GATAD2B: variants seen among roughly 807,000 people sequenced by gnomAD.
GATAD2B encodes the protein transcriptional repressor p66-beta.
In GATAD2B, 8 loss-of-function variants were observed where a neutral mutation model predicts 64.3. The ratio of observed to expected loss-of-function variants is 0.12; its 90% CI spans 0.07 to 0.22. GATAD2B has a LOEUF of 0.22. Ranked by LOEUF, GATAD2B falls within the 10% of genes least tolerant of loss-of-function variation. The probability of loss-of-function intolerance (pLI) is 1.00; values close to 1 mark genes in which losing one functional copy is unlikely to be tolerated. For synonymous variants in GATAD2B, 281 were observed against 271.3 expected, an observed-to-expected ratio of 1.04 and a Z score of -0.35; for missense variants, 453 against 752.0, an observed-to-expected ratio of 0.60 and a Z score of 4.65.
intron 1 of GATAD2B, among the ~76,000 whole-genome samples, chr1:153,899,565 T>C (rs1298458556): frequency 6.7e-6 from 1 of 149,332 alleles, no homozygotes; most frequent in African/African-American, 2.5e-5. Context: ...CGAAACTCCA[T>C]CTTAAAAAGA....
intron 1 of GATAD2B, among the ~76,000 whole-genome samples, chr1:153,867,672 C>T (rs1035456084): frequency 1.3e-5 from 2 of 151,618 alleles, no homozygotes; most frequent in African/African-American, 4.9e-5. Context: ...CCACCATGGC[C>T]AACATGGTGA....
rs754410363 is a variant in GATAD2B, at chr1:153,819,633, G to A, written c.438C>T (p.Leu146=). 11 of 1,608,168 alleles carry A rather than the reference G, an allele frequency of 6.8e-6. No individual in the cohort carries two copies. ...PRSSSRMEER[L]KAANLEMFKG... ...TAAACATCTCTAAGTTGGCTGCTTTGAGTCTTTCTTCCATTCTGGAACTGG... is the reference window on the plus strand; with the variant it reads ...TAAACATCTCTAAGTTGGCTGCTTTAAGTCTTTCTTCCATTCTGGAACTGG... Residue 146 remains leucine (L), a synonymous_variant, in exon 3 of 11, where the codon CTC becomes CTT. Coordinates refer to ENST00000368655, the MANE Select transcript of GATAD2B (RefSeq NM_020699.4).
chr1:153,818,603 C>T (rs900243215), intron 4 of GATAD2B, among the ~76,000 whole-genome samples, 188 bp downstream of exon 4: 7 of 151,326 alleles, frequency 4.6e-5, no homozygotes, highest in African/African-American at 7.3e-5. Context: ...CGTGAGCCAC[C>T]GCACCTGGCT....
In GATAD2B at chr1:153,828,355, A is replaced by T; in HGVS notation, c.-1-7T>A. 1 of 1,599,340 alleles carries T rather than the reference A, an allele frequency of 6.3e-7. No individual in the cohort carries two copies. The highest frequency in any genetic ancestry group is 8.5e-7 in the Non-Finnish European group (1 of 1,175,162). ...TTCTGTCATTCTATCCATCCTATGGAAAGAAAAATACAAGTAAGATCAGAA... is the reference window on the plus strand; with the variant it reads ...TTCTGTCATTCTATCCATCCTATGGTAAGAAAAATACAAGTAAGATCAGAA... On this transcript the variant is annotated splice_region_variant and splice_polypyrimidine_tract_variant and intron_variant, in intron 1 of 10. Transcript: ENST00000368655.
intron 1 of GATAD2B, among the ~76,000 whole-genome samples, chr1:153,842,098 AGAG>A (rs1349529238): frequency 1.3e-5 from 2 of 152,262 alleles, no homozygotes; most frequent in East Asian, 3.9e-4. Flanking sequence ...CTCAGCCACT[AGAG>A]GAGAAGCGAC....
At chr1:153,897,039 T>TTC (rs1235978911) in intron 1 of GATAD2B, among the ~76,000 whole-genome samples, 2 of 151,848 alleles carry the variant, frequency 1.3e-5, no homozygotes, top group Non-Finnish European at 2.9e-5. Flanking sequence ...AACACTTTTT[T>TTC]TTTTTTTTTG....
At chr1:153,851,424 C>G (rs554845916) in intron 1 of GATAD2B, among the ~76,000 whole-genome samples, 1 of 152,202 alleles carries the variant, frequency 6.6e-6, no homozygotes, top group Non-Finnish European at 1.5e-5. Flanking sequence ...TGCAAGGGTT[C>G]CAATTTCTTC....
chr1:153,834,556 A>G (rs992441850), intron 1 of GATAD2B, among the ~76,000 whole-genome samples: 1 of 151,844 alleles, frequency 6.6e-6, no homozygotes, highest in Non-Finnish European at 1.5e-5. Context: ...AGGCCCAGCT[A>G]ATTTTGTATT....
At chr1:153,829,157 T>C (rs906187925) in intron 1 of GATAD2B, among the ~76,000 whole-genome samples, 9 of 152,030 alleles carry the variant, frequency 5.9e-5, no homozygotes, top group African/African-American at 2.2e-4. Context: ...CTGAGCCTGA[T>C]CGTACCACTG....
At chr1:153,828,732 C>T (rs2101892136) in intron 1 of GATAD2B, among the ~76,000 whole-genome samples, 2 of 151,472 alleles carry the variant, frequency 1.3e-5, no homozygotes, top group Middle Eastern at 6.8e-3. Context: ...AACTGCATGT[C>T]ACCAGGGTTA....
chr1:153,901,271 G>C (rs1041275181), intron 1 of GATAD2B, among the ~76,000 whole-genome samples: 1 of 151,852 alleles, frequency 6.6e-6, no homozygotes, highest in African/African-American at 2.4e-5. Flanking sequence ...AGAATCGTTG[G>C]AACCCAGGTG....
At chr1:153,864,164 TGTAA>T (rs1557811443) in intron 1 of GATAD2B, among the ~76,000 whole-genome samples, 4 of 152,150 alleles carry the variant, frequency 2.6e-5, no homozygotes. Context: ...CAAAACATGT[TGTAA>T]GTGATACATT....
intron 10 of GATAD2B, chr1:153,811,450 G>A: frequency 2.2e-6 from 1 of 463,966 alleles, no homozygotes; most frequent in Non-Finnish European, 3.8e-6. Context: ...TGCTGTCCCG[G>A]CCAAAAGAGA....
chr1:153,919,367 T>C (rs1678361196), intron 1 of GATAD2B, among the ~76,000 whole-genome samples: 1 of 152,200 alleles, frequency 6.6e-6, no homozygotes, highest in South Asian at 2.1e-4. Flanking sequence ...ACTCCCTTCT[T>C]ACTGGATGAA....
intron 1 of GATAD2B, among the ~76,000 whole-genome samples, chr1:153,856,533 T>G (rs1676086121): frequency 6.6e-6 from 1 of 152,166 alleles, no homozygotes; most frequent in Non-Finnish European, 1.5e-5. Context: ...TATTTTCAAT[T>G]TAAAATTTAA....
At chr1:153,822,660 C>T (rs1345906032) in intron 2 of GATAD2B, among the ~76,000 whole-genome samples, 1 of 152,052 alleles carries the variant, frequency 6.6e-6, no homozygotes, top group Non-Finnish European at 1.5e-5. Context: ...CCCGCCACCA[C>T]ACCCGGCTAA....
chr1:153,845,642 G>A (rs993009805), intron 1 of GATAD2B, among the ~76,000 whole-genome samples: 5 of 148,732 alleles, frequency 3.4e-5, no homozygotes. Flanking sequence ...CTACTTTGGC[G>A]GGGGGCTGCA....
chr1:153,831,799 T>C (rs533582577), intron 1 of GATAD2B, among the ~76,000 whole-genome samples: 1 of 152,314 alleles, frequency 6.6e-6, no homozygotes, highest in South Asian at 2.1e-4. Context: ...GGACATACCA[T>C]GGTAAGTTGG....
intron 1 of GATAD2B, among the ~76,000 whole-genome samples, chr1:153,850,083 A>G (rs879831510): frequency 6.6e-6 from 1 of 152,152 alleles, no homozygotes; most frequent in Non-Finnish European, 1.5e-5. Flanking sequence ...CCTTGTCACA[A>G]TCAAGTGGGT....
Sources: gnomAD v4.1 joint callset for allele counts (sites outside exome capture counted in the v4.1 genomes callset) on GRCh38, gnomAD v4.1.1 for gene constraint, MANE v1.5 for transcripts, NCBI Gene and HGNC (gene_info 2026-07-23, HGNC 2026-07-21) for gene names.